The following PEX5L variants were observed in gnomAD, a reference collection of about 807,000 sequenced individuals.
PEX5L encodes PEX5-related protein.
PEX5L carries 30 observed loss-of-function variants against 84.0 expected under a neutral mutation model. That is an observed-to-expected ratio of 0.36 (90% confidence interval 0.27 to 0.48). The LOEUF (loss-of-function observed/expected upper bound fraction) is 0.48. Among genes scored for constraint, PEX5L ranks in the 20% least tolerant of loss-of-function variants. The pLI is 0.99. For synonymous variants in PEX5L, 270 were observed against 283.1 expected, an observed-to-expected ratio of 0.95 and a Z score of 0.46; for missense variants, 533 against 754.6, an observed-to-expected ratio of 0.71 and a Z score of 3.44.
chr3:179,929,673 C>T (rs759897403), intron 2 of PEX5L, among the ~76,000 whole-genome samples: 24 of 152,152 alleles, frequency 1.6e-4, no homozygotes, highest in East Asian at 3.8e-4. Flanking sequence ...TCCCTGTGGA[C>T]GTTAAGATCA....
intron 8 of PEX5L, among the ~76,000 whole-genome samples, chr3:179,847,310 A>T (rs866155102): frequency 6.6e-6 from 1 of 152,252 alleles, no homozygotes; most frequent in South Asian, 2.1e-4. Context: ...ATATACAGAT[A>T]TTGGTATACA....
chr3:179,986,397 ATTTTTTTTTT>A (rs11344304), intron 1 of PEX5L, among the ~76,000 whole-genome samples: 3 of 111,096 alleles, frequency 2.7e-5, no homozygotes, highest in African/African-American at 3.9e-5. Context: ...CCATTTAGTA[ATTTTTTTTTT>A]TTTTTTTTTT....
At chr3:179,870,098 C>G (rs1180418486) in intron 7 of PEX5L, among the ~76,000 whole-genome samples, 1 of 152,132 alleles carries the variant, frequency 6.6e-6, no homozygotes, top group Non-Finnish European at 1.5e-5. Context: ...AGGTTCTGGA[C>G]AGAAATATGG....
At chr3:179,896,849 T>C (rs1354009534) in intron 3 of PEX5L, among the ~76,000 whole-genome samples, 1 of 152,150 alleles carries the variant, frequency 6.6e-6, no homozygotes, top group African/African-American at 2.4e-5. Flanking sequence ...TCTGATTCAG[T>C]GTAAAACTGT....
chr3:179,968,415 C>A (rs781430540), intron 2 of PEX5L, among the ~76,000 whole-genome samples: 2 of 152,072 alleles, frequency 1.3e-5, no homozygotes, highest in Non-Finnish European at 2.9e-5. Context: ...ACAAGACCCT[C>A]CTTTCCTCCA....
chr3:179,970,858 T>C (rs1344633597), intron 2 of PEX5L, among the ~76,000 whole-genome samples: 1 of 152,160 alleles, frequency 6.6e-6, no homozygotes, highest in Non-Finnish European at 1.5e-5. Flanking sequence ...CGCTCTCAGA[T>C]GCTGTGCCAC....
intron 2 of PEX5L, among the ~76,000 whole-genome samples, chr3:179,937,082 T>C (rs759632959): frequency 2.0e-5 from 3 of 152,106 alleles, no homozygotes; most frequent in South Asian, 2.1e-4. Flanking sequence ...TATATATATA[T>C]ACATATACAA....
intron 3 of PEX5L, among the ~76,000 whole-genome samples, chr3:179,894,060 G>A (rs1458082853): frequency 6.6e-6 from 1 of 151,914 alleles, no homozygotes; most frequent in Non-Finnish European, 1.5e-5. Context: ...CACTTCACCC[G>A]ACTCTGTGAC....
chr3:179,814,926 G>A (rs542881964), intron 10 of PEX5L, among the ~76,000 whole-genome samples: 1 of 151,976 alleles, frequency 6.6e-6, no homozygotes, highest in African/African-American at 2.4e-5. Flanking sequence ...TACCCACATA[G>A]CGCTCTCTTG....
chr3:179,801,805 T>G lies in PEX5L; in HGVS notation c.*23A>C. The G allele has an allele frequency of 7.4e-7, 1 of 1,357,318 alleles. No homozygotes were observed. The highest frequency in any genetic ancestry group is 1.1e-6 in the Non-Finnish European group (1 of 945,378). The allele number at this position is 1,357,318 out of a possible 1,614,324, so 84.1% of individuals were successfully genotyped here. On this transcript the variant is annotated 3_prime_UTR_variant, in exon 15 of 15. Transcript: ENST00000467460. Reference sequence around the variant, plus strand: ...GTACAATCACACAGATCAGGGATTATTAGTACTGGTATTATTCTTTCTTCA... The same window carrying G: ...GTACAATCACACAGATCAGGGATTAGTAGTACTGGTATTATTCTTTCTTCA...
chr3:179,797,605 A>AAATATAT lies in PEX5L; in HGVS notation c.*4222_*4223insATATATT, dbSNP rs1553807980. On this transcript the variant is annotated 3_prime_UTR_variant, in exon 15 of 15. Transcript: ENST00000467460. ...AACACTCTTTAAAAAAAAAAAAAAA[A>AAATATAT]ATATATATATATATATATATATATA... 3.4e-5 allele frequency: 3 copies of AAATATAT among 89,160 alleles called. No homozygotes were observed. The highest frequency in any genetic ancestry group is 7.4e-4 in the East Asian group (2 of 2,712). The allele number at this position is 89,160 out of a possible 1,614,324, so 5.5% of individuals were successfully genotyped here.
intron 8 of PEX5L, among the ~76,000 whole-genome samples, chr3:179,837,612 T>C (rs1320824528): frequency 6.6e-6 from 1 of 152,232 alleles, no homozygotes; most frequent in Non-Finnish European, 1.5e-5. Context: ...GTTTGCTCAA[T>C]TGGTACAAGT....
chr3:179,939,385 CTA>C (rs1775447711), intron 2 of PEX5L, among the ~76,000 whole-genome samples: 1 of 152,168 alleles, frequency 6.6e-6, no homozygotes, highest in Non-Finnish European at 1.5e-5. Context: ...TCTACTGAAT[CTA>C]AAACTCTAGG....
Position 179,977,135 on chromosome 3 carries a change from CT to C in PEX5L, c.22-5471del, listed in dbSNP as rs910480595. Among the ~76,000 whole-genome samples, 9 of 152,214 alleles carry C rather than the reference CT, an allele frequency of 5.9e-5. 1 individual carries two copies. Among genetic ancestry groups the C allele is most frequent in the African/African-American group, 2.2e-4 (9 of 41,544 alleles). On this transcript the variant is annotated intron_variant, in intron 1 of 14. Transcript: ENST00000467460. ...ATGCTTTTCTTTATACTTGGGAGTG[CT>C]TTTTGAAACAATAATGAATTTTTTT...
intron 2 of PEX5L, among the ~76,000 whole-genome samples, chr3:179,939,643 CAA>C (rs1437450188): frequency 6.6e-6 from 1 of 152,170 alleles, no homozygotes; most frequent in Admixed American, 6.5e-5. Context: ...TACAAAGGAG[CAA>C]AGTCAAATGA....
At chr3:179,814,227 C>T (rs1020015823) in intron 10 of PEX5L, among the ~76,000 whole-genome samples, 1 of 152,190 alleles carries the variant, frequency 6.6e-6, no homozygotes, top group African/African-American at 2.4e-5. Flanking sequence ...AAGTAGTGAT[C>T]AGTTTACTCA....
At chr3:179,919,992 T>C (rs1768737085) in intron 2 of PEX5L, among the ~76,000 whole-genome samples, 2 of 152,234 alleles carry the variant, frequency 1.3e-5, no homozygotes, top group Admixed American at 6.5e-5. Context: ...CATGAGCCAC[T>C]GAGCTTGGTC....
intron 2 of PEX5L, chr3:179,902,226 C>A (rs1213618703): frequency 6.5e-6 from 1 of 154,578 alleles, no homozygotes; most frequent in African/African-American, 2.4e-5. Context: ...CATTCTGTGG[C>A]CGAGCCAGGA....
intron 8 of PEX5L, among the ~76,000 whole-genome samples, chr3:179,841,643 T>A (rs766551789): frequency 6.6e-6 from 1 of 152,258 alleles, no homozygotes; most frequent in African/African-American, 2.4e-5. Context: ...GAATGCCTGA[T>A]TAAATTTTGG....
Sources: allele counts gnomAD v4.1 joint callset (sites outside exome capture counted in the v4.1 genomes callset), GRCh38; gene constraint gnomAD v4.1.1; transcripts MANE v1.5; gene names NCBI Gene and HGNC (gene_info 2026-07-23, HGNC 2026-07-21).